Variants in HTR1F observed in about 807,000 individuals in gnomAD.
The protein encoded by HTR1F is 5-hydroxytryptamine (serotonin) receptor 1F, G protein-coupled.
A neutral mutation model predicts 24.0 loss-of-function variants in HTR1F; 17 were observed. The ratio of observed to expected loss-of-function variants is 0.71; its 90% CI spans 0.48 to 1.06. HTR1F has a LOEUF of 1.06. Among genes scored for constraint, HTR1F ranks in the 50% least tolerant of loss-of-function variants. The probability of loss-of-function intolerance (pLI) is 0.00; values close to 1 mark genes in which losing one functional copy is unlikely to be tolerated. For missense variants in HTR1F, 391 were observed against 427.8 expected (o/e 0.91, Z 0.76); for synonymous variants, 186 against 156.8 (o/e 1.19, Z -1.39).
At chr3:87,805,381 T>C (rs561040274) in intron 1 of HTR1F, among the ~76,000 whole-genome samples, 1 of 152,232 alleles carries the variant, frequency 6.6e-6, no homozygotes, top group South Asian at 2.1e-4. Context: ...AAATACAGTG[T>C]CTCTGAATTA....
chr3:87,952,461 T>C (rs1704854305), intron 2 of HTR1F, among the ~76,000 whole-genome samples: 1 of 151,954 alleles, frequency 6.6e-6, no homozygotes. Context: ...TTTTCTCATC[T>C]ATAAAATGGG....
At chr3:87,938,272 C>T (rs1395627887) in intron 2 of HTR1F, among the ~76,000 whole-genome samples, 1 of 152,138 alleles carries the variant, frequency 6.6e-6, no homozygotes, top group African/African-American at 2.4e-5. Context: ...TACAAAACTG[C>T]TCAAAGAAAT....
At chr3:87,975,087 T>C (rs1214503087) in intron 2 of HTR1F, among the ~76,000 whole-genome samples, 1 of 152,150 alleles carries the variant, frequency 6.6e-6, no homozygotes, top group Non-Finnish European at 1.5e-5. Context: ...AGTGTACTTA[T>C]TTATTAAAAT....
intron 2 of HTR1F, among the ~76,000 whole-genome samples, chr3:87,961,840 A>G (rs1027701510): frequency 3.3e-5 from 5 of 151,884 alleles, no homozygotes; most frequent in African/African-American, 1.2e-4. Flanking sequence ...CAGAAATTCT[A>G]CCAAATATGA....
intron 2 of HTR1F, among the ~76,000 whole-genome samples, chr3:87,868,046 C>T (rs558737670): frequency 6.6e-6 from 1 of 152,066 alleles, no homozygotes; most frequent in South Asian, 2.1e-4. Context: ...TGTTTTCCTC[C>T]CTGTTATTTC....
chr3:87,816,086 A>G (rs1704245052), intron 1 of HTR1F, among the ~76,000 whole-genome samples: 1 of 152,068 alleles, frequency 6.6e-6, no homozygotes, highest in South Asian at 2.1e-4. Flanking sequence ...GGAAAGAACT[A>G]AGTTTCCAAA....
intron 2 of HTR1F, among the ~76,000 whole-genome samples, chr3:87,956,688 T>C (rs1196233415): frequency 6.6e-6 from 1 of 151,384 alleles, no homozygotes; most frequent in Non-Finnish European, 1.5e-5. Flanking sequence ...TCAGAGCAGA[T>C]GGTTTGTATA....
At chr3:87,951,053 A>G (rs1004230175) in intron 2 of HTR1F, among the ~76,000 whole-genome samples, 8 of 152,100 alleles carry the variant, frequency 5.3e-5, no homozygotes, top group African/African-American at 1.9e-4. Context: ...TTCTGCTTTC[A>G]GAAGCCTCCA....
chr3:87,860,441 T>C (rs1030825418), intron 2 of HTR1F, among the ~76,000 whole-genome samples: 7 of 152,228 alleles, frequency 4.6e-5, no homozygotes, highest in Non-Finnish European at 8.8e-5. Flanking sequence ...CCTTTTTCAA[T>C]AGAACTCTGA....
intron 2 of HTR1F, among the ~76,000 whole-genome samples, chr3:87,972,014 G>A (rs1705295613): frequency 6.6e-6 from 1 of 152,164 alleles, no homozygotes; most frequent in African/African-American, 2.4e-5. Context: ...TGTCAGCAGT[G>A]TGTTATTGTG....
intron 2 of HTR1F, among the ~76,000 whole-genome samples, chr3:87,983,720 T>G (rs1394405395): frequency 6.6e-6 from 1 of 152,182 alleles, no homozygotes; most frequent in African/African-American, 2.4e-5. Context: ...CCTGAATAAA[T>G]TGAATTATCT....
At chr3:87,937,083 C>CAAAA (rs35169317) in intron 2 of HTR1F, among the ~76,000 whole-genome samples, 17,148 of 113,356 alleles carry the variant, frequency 0.15, 1,646 homozygotes, top group African/African-American at 0.27. Flanking sequence ...TGAAACTACC[C>CAAAA]AAAAAAAAAA....
chr3:87,857,795 A>G (rs1265823023), intron 2 of HTR1F, among the ~76,000 whole-genome samples: 2 of 152,182 alleles, frequency 1.3e-5, no homozygotes, highest in Admixed American at 1.3e-4. Context: ...TGTACGTTCT[A>G]TGGATTAAGG....
intron 2 of HTR1F, among the ~76,000 whole-genome samples, chr3:87,884,664 G>T (rs764614501): frequency 2.0e-5 from 3 of 149,498 alleles, no homozygotes; most frequent in Non-Finnish European, 4.4e-5. Context: ...GATCTACCAA[G>T]CAAATGGAAA....
At chr3:87,921,536 T>C (rs536163109) in intron 2 of HTR1F, among the ~76,000 whole-genome samples, 7 of 152,042 alleles carry the variant, frequency 4.6e-5, no homozygotes, top group Admixed American at 1.3e-4. Flanking sequence ...TCAAGGTAAT[T>C]AACATACCCA....
chr3:87,970,853 T>A (rs1430030839), intron 2 of HTR1F, among the ~76,000 whole-genome samples: 1 of 152,228 alleles, frequency 6.6e-6, no homozygotes, highest in African/African-American at 2.4e-5. Context: ...TCTTTTCCAC[T>A]CTTATATGGC....
chr3:87,818,146 G>A (rs1315384721), intron 1 of HTR1F, among the ~76,000 whole-genome samples: 1 of 152,148 alleles, frequency 6.6e-6, no homozygotes, highest in Non-Finnish European at 1.5e-5. Flanking sequence ...AAGATGTAAA[G>A]CAGCCCTCAG....
chr3:87,880,070 C>A (rs1705755468), intron 2 of HTR1F, among the ~76,000 whole-genome samples: 1 of 151,668 alleles, frequency 6.6e-6, no homozygotes, highest in Non-Finnish European at 1.5e-5. Context: ...AAGCCAGGCA[C>A]AAAAAAAGTT....
intron 1 of HTR1F, among the ~76,000 whole-genome samples, chr3:87,816,500 A>G (rs1320544253): frequency 2.0e-5 from 3 of 152,068 alleles, no homozygotes; most frequent in Non-Finnish European, 4.4e-5. Context: ...TGCTTTTCCA[A>G]CTTTACCTCT....
Sources: allele counts gnomAD v4.1 joint callset (sites outside exome capture counted in the v4.1 genomes callset), GRCh38; gene constraint gnomAD v4.1.1; transcripts MANE v1.5; gene names NCBI Gene and HGNC (gene_info 2026-07-23, HGNC 2026-07-21).